IL19: variants seen among roughly 807,000 people sequenced by gnomAD.
The protein encoded by IL19 is interleukin-19.
A neutral mutation model predicts 19.5 loss-of-function variants in IL19; 15 were observed. The ratio of observed to expected loss-of-function variants is 0.77; its 90% confidence interval spans 0.52 to 1.19. The LOEUF (loss-of-function observed/expected upper bound fraction) is 1.19, where lower values mean the gene tolerates loss of function less well. Among genes scored for constraint, IL19 ranks in the 50% most tolerant of loss-of-function variants. The pLI is 0.00. For missense variants in IL19, 199 were observed against 213.1 expected, an observed-to-expected ratio of 0.93 and a Z score of 0.41; for synonymous variants, 78 against 78.3, an observed-to-expected ratio of 1.00 and a Z score of 0.02.
At chr1:206,772,552 C>A in intron 1 of IL19, 1 of 927,734 alleles carries the variant, frequency 1.1e-6, no homozygotes, top group East Asian at 2.6e-5. Flanking sequence ...CCTCTTCATT[C>A]ATTAAAAAGC....
At chr1:206,840,337 C>A (rs1343025610) in intron 5 of IL19, 3 of 415,796 alleles carry the variant, frequency 7.2e-6, no homozygotes, top group Non-Finnish European at 1.4e-5. Context: ...CCTTTGGTGT[C>A]TTTACATCAA....
At chr1:206,795,688 A>G (rs1675504946) in intron 1 of IL19, among the ~76,000 whole-genome samples, 2 of 152,188 alleles carry the variant, frequency 1.3e-5, no homozygotes, top group African/African-American at 2.4e-5. Flanking sequence ...CAGCCTCTGC[A>G]TACTACACAT....
At chr1:206,814,988 T>C (rs376159979) in intron 2 of IL19, among the ~76,000 whole-genome samples, 5 of 152,216 alleles carry the variant, frequency 3.3e-5, no homozygotes, top group African/African-American at 1.2e-4. Context: ...CTCACAAATA[T>C]ACAATCTGGG....
At chr1:206,772,572 G>T in intron 1 of IL19, 2 of 792,132 alleles carry the variant, frequency 2.5e-6, no homozygotes, top group Non-Finnish European at 4.2e-6. Context: ...CCACAATCAA[G>T]GTTTCCCGGC....
intron 1 of IL19, 115 bp downstream of exon 1, chr1:206,771,193 C>A: frequency 8.3e-7 from 1 of 1,198,186 alleles, no homozygotes; most frequent in African/African-American, 1.5e-5. Context: ...AGGGACTGAG[C>A]CCTTTGTAAA....
At chr1:206,818,523 T>C (rs918513490) in intron 2 of IL19, among the ~76,000 whole-genome samples, 4 of 152,204 alleles carry the variant, frequency 2.6e-5, no homozygotes, top group Admixed American at 1.3e-4. Flanking sequence ...GATTAGTGCT[T>C]GCCTGAGCAG....
intron 1 of IL19, chr1:206,772,168 G>A: frequency 1.0e-6 from 1 of 975,644 alleles, no homozygotes; most frequent in East Asian, 2.5e-5. Flanking sequence ...AGGTGTTGGG[G>A]ATGGAGGTGG....
At chr1:206,824,515 CCTT>C (rs1156631035) in intron 2 of IL19, among the ~76,000 whole-genome samples, 1 of 152,182 alleles carries the variant, frequency 6.6e-6, no homozygotes, top group Non-Finnish European at 1.5e-5. Flanking sequence ...GGCATTTCCT[CCTT>C]CTTGTAGGAG....
chr1:206,798,863 C>T lies in IL19; in HGVS notation c.-146C>T, dbSNP rs748587989. 2.3e-5 allele frequency: 34 copies of T among 1,452,942 alleles called. No individual in the cohort carries two copies. Among genetic ancestry groups the T allele is most frequent in the African/African-American group, 8.4e-5 (6 of 71,432 alleles). 90.0% of individuals were successfully genotyped at this position (1,452,942 alleles called of 1,614,324 possible). A position where few individuals can be genotyped will look rare whatever the true frequency, so the allele number is the denominator to read the frequency against. ...ACTCTCTATGATTTTCTCCATAGAG[C>T]GGTGCTTGCACACACTGACAGGAGT... is the stretch of plus-strand genomic sequence containing the variant. On this transcript the variant is annotated splice_region_variant and 5_prime_UTR_variant, in exon 2 of 7. Coordinates refer to ENST00000659997, the MANE Select transcript of IL19 (RefSeq NM_153758.5).
intron 2 of IL19, among the ~76,000 whole-genome samples, chr1:206,823,378 C>A (rs1420728378): frequency 1.3e-5 from 2 of 151,444 alleles, no homozygotes; most frequent in East Asian, 2.0e-4. Context: ...ATGGTGAAAC[C>A]CCTTCTCTAC....
chr1:206,792,552 G>T (rs974077743), intron 1 of IL19, among the ~76,000 whole-genome samples: 3 of 152,090 alleles, frequency 2.0e-5, no homozygotes, highest in African/African-American at 7.2e-5. Context: ...CGCTTCCTGG[G>T]TTCAAGTGAT....
At chr1:206,811,866 G>T (rs541954481) in intron 2 of IL19, among the ~76,000 whole-genome samples, 217 of 152,334 alleles carry the variant, frequency 1.4e-3, no homozygotes, top group East Asian at 5.0e-3. Context: ...CAGGAGATAT[G>T]AATTCTGAGT....
At chr1:206,795,991 C>T (rs1017906302) in intron 1 of IL19, among the ~76,000 whole-genome samples, 3 of 150,790 alleles carry the variant, frequency 2.0e-5, no homozygotes, top group African/African-American at 7.3e-5. Flanking sequence ...AGGTATGGCT[C>T]ACATGATTAT....
intron 1 of IL19, among the ~76,000 whole-genome samples, chr1:206,789,609 C>T (rs933202205): frequency 1.6e-4 from 24 of 152,064 alleles, no homozygotes; most frequent in East Asian, 3.9e-4. Context: ...CTTTTAAGCT[C>T]GGGATGCATG....
chr1:206,835,209 C>G (rs1676745122), intron 2 of IL19, among the ~76,000 whole-genome samples: 1 of 152,198 alleles, frequency 6.6e-6, no homozygotes, highest in Non-Finnish European at 1.5e-5. Context: ...AGAAGAAAAA[C>G]TGCACTCTCT....
chr1:206,781,101 T>A (rs1558606017), intron 1 of IL19, among the ~76,000 whole-genome samples: 1 of 152,040 alleles, frequency 6.6e-6, no homozygotes, highest in Non-Finnish European at 1.5e-5. Flanking sequence ...TTGGCCTGCC[T>A]TCCCACTGCA....
At chr1:206,837,076 C>T (rs1676821305) in intron 4 of IL19, 53 bp downstream of exon 4, 2 of 1,421,114 alleles carry the variant, frequency 1.4e-6, no homozygotes, top group Admixed American at 3.5e-5. Context: ...GTCTAAATGG[C>T]TCTGGGCTGA....
intron 1 of IL19, among the ~76,000 whole-genome samples, chr1:206,774,110 A>C (rs1674932398): frequency 6.6e-6 from 1 of 152,192 alleles, no homozygotes; most frequent in Non-Finnish European, 1.5e-5. Context: ...CAAGGGGTGC[A>C]AACACCTTGG....
At chr1:206,801,101 G>C (rs1421609798) in intron 2 of IL19, among the ~76,000 whole-genome samples, 1 of 151,282 alleles carries the variant, frequency 6.6e-6, no homozygotes, top group Non-Finnish European at 1.5e-5. Flanking sequence ...TCTCTCCCTA[G>C]TAGAGTGGGA....
Sources: gnomAD v4.1 joint callset for allele counts (sites outside exome capture counted in the v4.1 genomes callset) on GRCh38, gnomAD v4.1.1 for gene constraint, MANE v1.5 for transcripts, NCBI Gene and HGNC (gene_info 2026-07-23, HGNC 2026-07-21) for gene names.